LONP1: variants seen among roughly 807,000 people sequenced by gnomAD.
LONP1 encodes the protein lon peptidase 1, mitochondrial.
In LONP1, 31 loss-of-function variants were observed where a neutral mutation model predicts 98.5. That is an observed-to-expected ratio of 0.31 (90% CI 0.24 to 0.42). The LOEUF (loss-of-function observed/expected upper bound fraction) is 0.42, where lower values mean the gene tolerates loss of function less well. Among genes scored for constraint, LONP1 ranks in the 20% least tolerant of loss-of-function variants. The pLI, the probability that LONP1 is intolerant of heterozygous loss-of-function variation, is 1.00. For synonymous variants in LONP1, 781 were observed against 594.7 expected (o/e 1.31, Z -4.56); for missense variants, 1,336 against 1,350.6 (o/e 0.99, Z 0.17).
Position 5,719,917 on chromosome 19 carries a change from G to A in LONP1, c.216C>T (p.Ser72=). Residue 72 remains serine, a synonymous_variant, in exon 1 of 18, where the codon AGC becomes AGT. Coordinates refer to ENST00000360614, the MANE Select transcript of LONP1 (RefSeq NM_004793.4). ...GGQWRGFWEA[S]SRGGGAFSGG... Reference sequence around the variant, plus strand: ...CCGAGAATGCGCCTCCGCCGCGGCTGCTCGCTTCCCAAAACCCCCGCCATT... The same window carrying A: ...CCGAGAATGCGCCTCCGCCGCGGCTACTCGCTTCCCAAAACCCCCGCCATT... The A allele has an allele frequency of 6.5e-7, 1 of 1,550,104 alleles. No individual in the cohort carries two copies. The highest frequency in any genetic ancestry group is 8.7e-7 in the Non-Finnish European group (1 of 1,148,488).
At position 5,702,356 on chromosome 19, in the gene LONP1, G is replaced by A. The variant is rs1481460792; in HGVS notation, c.1368-1429C>T. Among the ~76,000 whole-genome samples, 173 of 148,034 alleles carry A rather than the reference G, an allele frequency of 1.2e-3. 1 individual carries two copies. The highest frequency in any genetic ancestry group is 0.012 in the Admixed American group (173 of 14,930). On this transcript the variant is annotated intron_variant, in intron 8 of 17. Transcript: ENST00000360614. ...GCCGCCCCGTCCGGGAGGGAGGTGG[G>A]GGGGTCAGCCCCCCGCCCGGCCAGC...
chr19:5,720,376 G>A (rs1368587063), upstream of LONP1: 2 of 614,598 alleles, frequency 3.3e-6, no homozygotes, highest in East Asian at 3.2e-5. Context: ...GTGAGCAGGC[G>A]CCAGCGCCCG....
chr19:5,710,968 G>A (rs2055227196), intron 4 of LONP1, among the ~76,000 whole-genome samples: 1 of 152,066 alleles, frequency 6.6e-6, no homozygotes, highest in Non-Finnish European at 1.5e-5. Context: ...GGAAATTGCA[G>A]TGAGCTGAGA....
intron 1 of LONP1, 100 bp downstream of exon 1, chr19:5,719,603 TG>T: frequency 6.3e-7 from 1 of 1,579,922 alleles, no homozygotes; most frequent in Admixed American, 1.8e-5. Flanking sequence ...ACTTCATGTC[TG>T]AAAAAGTTGC....
intron 8 of LONP1, among the ~76,000 whole-genome samples, chr19:5,705,070 T>G (rs1157115212): frequency 6.6e-6 from 1 of 151,372 alleles, no homozygotes; most frequent in Non-Finnish European, 1.5e-5. Flanking sequence ...GTTGAGGCAG[T>G]AGAATCGTTT....
chr19:5,698,875 A>G (rs990217146), intron 10 of LONP1, 152 bp downstream of exon 10: 2 of 799,274 alleles, frequency 2.5e-6, no homozygotes, highest in Non-Finnish European at 3.6e-6. Context: ...AGTCCGCCAC[A>G]TGGCTGGACT....
chr19:5,708,784 C>T lies in LONP1; in HGVS notation c.871-381G>A, dbSNP rs373173080. 6.2e-4 allele frequency: 106 copies of T among 171,996 alleles called. 1 individual carries two copies. In the East Asian group the frequency reaches 0.013, roughly 21 times the overall value. 10.7% of individuals were successfully genotyped at this position (171,996 alleles called of 1,614,324 possible). ...ATCCAAGCACTTTGGGAGGCCGAGG[C>T]GGGTGGATCATGAGGTCAGGAGATC... On this transcript the variant is annotated intron_variant, in intron 4 of 17. Coordinates refer to ENST00000360614, the MANE Select transcript of LONP1 (RefSeq NM_004793.4).
At position 5,710,710 on chromosome 19, in the gene LONP1, G is replaced by C. The variant is rs1431686644; in HGVS notation, c.870+1061C>G. 3.9e-5 allele frequency among the ~76,000 whole-genome samples: 6 copies of C among 152,112 alleles called. No individual in the cohort carries two copies. In the East Asian group the frequency reaches 7.7e-4, roughly 20 times the overall value. On this transcript the variant is annotated intron_variant, in intron 4 of 17. Coordinates refer to ENST00000360614, the MANE Select transcript of LONP1 (RefSeq NM_004793.4). ...TGTTCCATTCTGTTCCTTGGCCACA[G>C]CAGCTCTACTTCAAGTGCTCAATAC...
At chr19:5,705,277 T>C (rs1357692088) in intron 8 of LONP1, among the ~76,000 whole-genome samples, 4 of 151,216 alleles carry the variant, frequency 2.6e-5, no homozygotes, top group African/African-American at 9.7e-5. Context: ...AACAACATGG[T>C]GAAACCCCAT....
chr19:5,692,916 G>A (rs533471529), intron 17 of LONP1, among the ~76,000 whole-genome samples: 107 of 152,162 alleles, frequency 7.0e-4, no homozygotes, highest in Non-Finnish European at 1.3e-3. Flanking sequence ...GGACAGTGGC[G>A]CTCCAACCTG....
chr19:5,705,967 T>C lies in LONP1; in HGVS notation c.1172A>G (p.His391Arg). ...CTGCTCCTGCAGCAGGTACTTACGG[T>C]GGGTCTGCTTGATCTTCTCCTCCAC... ...REVEEKIKQTHRKYLLQEQLK... is the reference protein window; with the variant it reads ...REVEEKIKQTRRKYLLQEQLK... The change falls in exon 8 of 18, where the codon CAC becomes CGC. Residue 391 changes from histidine to arginine, a missense_variant. Physicochemically the swap from His to Arg is conservative, Grantham distance 29 (BLOSUM62 0). This residue lies in a region of LONP1 where 219 missense variants were observed against 241.0 expected (regional missense o/e 0.91). Transcript: ENST00000360614. 1 of 1,612,532 alleles carries C rather than the reference T, an allele frequency of 6.2e-7. No individual in the cohort carries two copies. The highest frequency in any genetic ancestry group is 8.5e-7 in the Non-Finnish European group (1 of 1,179,734).
At chr19:5,710,438 CA>C (rs1330252297) in intron 4 of LONP1, among the ~76,000 whole-genome samples, 1 of 151,972 alleles carries the variant, frequency 6.6e-6, no homozygotes, top group Non-Finnish European at 1.5e-5. Flanking sequence ...CTCTGTTGCC[CA>C]GGCTGGAGTG....
At chr19:5,720,199 C>A, upstream of LONP1, 3 of 1,385,130 alleles carry the variant, frequency 2.2e-6, no homozygotes, top group South Asian at 4.9e-5. Context: ...GCACGTGACG[C>A]CCGGCGCGTG....
chr19:5,696,160 A>C lies in LONP1; in HGVS notation c.1907T>G (p.Ile636Ser). ...GGTGTCCGTGACGTTGGCCGTGCAG[A>C]TGAACAGCACCTGGGGGCGGCGGCA... is the stretch of plus-strand genomic sequence containing the variant. ...VPVDLSKVLFICTANVTDTIP... is the reference protein window; with the variant it reads ...VPVDLSKVLFSCTANVTDTIP... Residue 636 changes from isoleucine to serine, a missense_variant, in exon 13 of 18, where the codon ATC (isoleucine) becomes AGC (serine). Ile to Ser is a moderately radical substitution (Grantham distance 142). This residue lies in a region of LONP1 where 555 missense variants were observed against 542.6 expected (regional missense o/e 1.02). Coordinates refer to ENST00000360614, the MANE Select transcript of LONP1 (RefSeq NM_004793.4). 1 of 1,612,912 alleles carries C rather than the reference A, an allele frequency of 6.2e-7. No individual in the cohort carries two copies. The highest frequency in any genetic ancestry group is 8.5e-7 in the Non-Finnish European group (1 of 1,179,872).
intron 4 of LONP1, among the ~76,000 whole-genome samples, chr19:5,711,156 G>A (rs1247623757): frequency 6.6e-6 from 1 of 152,240 alleles, no homozygotes; most frequent in African/African-American, 2.4e-5. Flanking sequence ...GACATCACCA[G>A]TTGCTCACAG....
intron 10 of LONP1, among the ~76,000 whole-genome samples, chr19:5,698,418 G>A (rs1216233156): frequency 1.3e-5 from 2 of 152,212 alleles, no homozygotes; most frequent in Admixed American, 6.5e-5. Context: ...ACAGAGGCTG[G>A]CGAGGAGGGA....
chr19:5,692,627 C>A (rs1599440961), intron 17 of LONP1, among the ~76,000 whole-genome samples: 1 of 152,198 alleles, frequency 6.6e-6, no homozygotes, highest in Admixed American at 6.5e-5. Flanking sequence ...CTACACATAT[C>A]TGGAGTAGAT....
At chr19:5,705,319 G>A (rs1032889235) in intron 8 of LONP1, among the ~76,000 whole-genome samples, 20 of 152,138 alleles carry the variant, frequency 1.3e-4, no homozygotes, top group African/African-American at 2.4e-4. Context: ...TTAACCAGGC[G>A]TGGTGGTGCA....
intron 1 of LONP1, 29 bp from the exon 2 acceptor site, chr19:5,714,300 T>A (rs758861877): frequency 1.3e-5 from 20 of 1,513,216 alleles, no homozygotes; most frequent in Non-Finnish European, 1.6e-5. Context: ...CAAAGTGAAA[T>A]GCAGAGTAGA....
Sources: allele counts gnomAD v4.1 joint callset (sites outside exome capture counted in the v4.1 genomes callset), GRCh38; gene constraint gnomAD v4.1.1; regional missense constraint gnomAD v4.1.1; transcripts MANE v1.5; gene names NCBI Gene and HGNC (gene_info 2026-07-23, HGNC 2026-07-21).